Variants in CAPN5 observed in about 807,000 individuals in gnomAD.
CAPN5 encodes calpain-5.
In CAPN5, 54 loss-of-function variants were observed where a neutral mutation model predicts 73.0. That is an observed-to-expected ratio of 0.74 (90% CI 0.59 to 0.93). The LOEUF is 0.93. Ranked by LOEUF, CAPN5 falls within the 40% of genes least tolerant of loss-of-function variation. CAPN5 has a pLI of 0.00. For missense variants in CAPN5, 785 were observed against 882.9 expected, an observed-to-expected ratio of 0.89 and a Z score of 1.41; for synonymous variants, 335 against 356.9, an observed-to-expected ratio of 0.94 and a Z score of 0.69.
At chr11:77,074,795 G>A (rs1156827615) in intron 1 of CAPN5, among the ~76,000 whole-genome samples, 1 of 152,186 alleles carries the variant, frequency 6.6e-6, no homozygotes, top group African/African-American at 2.4e-5. Context: ...GCTTTGCGCT[G>A]GGCACCACTG....
At chr11:77,073,227 C>T (rs781993523) in intron 1 of CAPN5, 4 of 714,772 alleles carry the variant, frequency 5.6e-6, no homozygotes, top group Non-Finnish European at 8.5e-6. Context: ...GCTGCTCACC[C>T]GAGGCTTGGC....
intron 2 of CAPN5, among the ~76,000 whole-genome samples, chr11:77,091,295 C>T (rs1427657785): frequency 6.6e-6 from 1 of 152,160 alleles, no homozygotes; most frequent in Non-Finnish European, 1.5e-5. Context: ...CAGCAGGGAG[C>T]AGACATTCAA....
At chr11:77,108,958 CCT>C (rs1950381805) in intron 3 of CAPN5, among the ~76,000 whole-genome samples, 1 of 151,994 alleles carries the variant, frequency 6.6e-6, no homozygotes, top group Non-Finnish European at 1.5e-5. Flanking sequence ...GGCCGTTTGT[CCT>C]GTAGGGTTTC....
At chr11:77,103,995 ACAGAGATCTGT>A (rs1555039462) in intron 3 of CAPN5, among the ~76,000 whole-genome samples, 15 of 152,220 alleles carry the variant, frequency 9.9e-5, no homozygotes. Context: ...GGGAGGTTAC[ACAGAGATCTGT>A]CTCTACGCAC....
chr11:77,084,741 C>T (rs1325421459), intron 1 of CAPN5, 111 bp from the exon 2 acceptor site: 3 of 926,294 alleles, frequency 3.2e-6, no homozygotes, highest in East Asian at 5.3e-5. Context: ...AGGCTCCACG[C>T]CTCGCTGAGC....
intron 1 of CAPN5, among the ~76,000 whole-genome samples, chr11:77,080,160 T>C (rs768624200): frequency 4.5e-4 from 69 of 152,212 alleles, no homozygotes; most frequent in Non-Finnish European, 8.8e-4. Flanking sequence ...TCAGGTGTCC[T>C]TATACTTGTG....
intron 5 of CAPN5, 123 bp downstream of exon 5, chr11:77,114,557 G>A: frequency 4.5e-6 from 4 of 892,352 alleles, no homozygotes; most frequent in Non-Finnish European, 7.2e-6. Flanking sequence ...CAGCCTCGTG[G>A]GGGAGGGGAG....
chr11:77,125,024 A>C lies in CAPN5; in HGVS notation c.*1154A>C, dbSNP rs1950559318. The C allele has an allele frequency of 6.6e-6, 1 of 152,250 alleles. No homozygotes were observed. The highest frequency in any genetic ancestry group is 1.5e-5 in the Non-Finnish European group (1 of 68,040). The allele number at this position is 152,250 out of a possible 1,614,324, so 9.4% of individuals were successfully genotyped here. ...ATCTCAATTTTAATCAGGGGTTTTAAAAGAAAATTGAAAGCCTGAACCTCC... is the reference window on the plus strand; with the variant it reads ...ATCTCAATTTTAATCAGGGGTTTTACAAGAAAATTGAAAGCCTGAACCTCC... On this transcript the variant is annotated 3_prime_UTR_variant, in exon 13 of 13. Transcript: ENST00000648180.
intron 1 of CAPN5, among the ~76,000 whole-genome samples, chr11:77,072,550 T>C (rs1949919553): frequency 6.6e-6 from 1 of 152,110 alleles, no homozygotes; most frequent in African/African-American, 2.4e-5. Context: ...GGAGGGGTGG[T>C]GGGCCAGGCT....
Position 77,095,941 on chromosome 11 carries a change from G to T in CAPN5, c.297+2128G>T, listed in dbSNP as rs115453539. 9.3e-3 allele frequency among the ~76,000 whole-genome samples: 1,414 copies of T among 152,328 alleles called. 22 individuals carry two copies. Among genetic ancestry groups the T allele is most frequent in the African/African-American group, 0.031 (1,268 of 41,560 alleles). On this transcript the variant is annotated intron_variant, in intron 3 of 12. Transcript: ENST00000648180. Reference sequence around the variant, plus strand: ...TTGGGTCCCAGGGAGGCCAGGGCGGGTCTGGGCGCTCCTGGCTAATTGCAC... The same window carrying T: ...TTGGGTCCCAGGGAGGCCAGGGCGGTTCTGGGCGCTCCTGGCTAATTGCAC...
chr11:77,094,930 CAG>C (rs1555037296), intron 3 of CAPN5, among the ~76,000 whole-genome samples: 1 of 152,206 alleles, frequency 6.6e-6, no homozygotes, highest in Admixed American at 6.5e-5. Context: ...CCTTGGCCAT[CAG>C]AGGGAGCAGT....
Position 77,125,450 on chromosome 11 carries a change from G to C in CAPN5, c.*1580G>C, listed in dbSNP as rs1950564532. On this transcript the variant is annotated 3_prime_UTR_variant, in exon 13 of 13. Transcript: ENST00000648180. ...CTCAAGAACCTGGGCCTGGGGCCGG[G>C]ACTCTGCATGACTGGGAGCAAGTCA... 6.6e-6 allele frequency: 1 copy of C among 152,296 alleles called. No individual in the cohort carries two copies. Among genetic ancestry groups the C allele is most frequent in the African/African-American group, 2.4e-5 (1 of 41,398 alleles). The allele number at this position is 152,296 out of a possible 1,614,324, so 9.4% of individuals were successfully genotyped here. A position where few individuals can be genotyped will look rare whatever the true frequency, so the allele number is the denominator to read the frequency against.
chr11:77,112,301 T>C (rs1460480270), intron 3 of CAPN5, among the ~76,000 whole-genome samples: 1 of 151,480 alleles, frequency 6.6e-6, no homozygotes, highest in African/African-American at 2.4e-5. Flanking sequence ...TGGACGGAAG[T>C]CTCGGGGAAG....
chr11:77,098,851 G>T, intron 3 of CAPN5, among the ~76,000 whole-genome samples: 1 of 140,732 alleles, frequency 7.1e-6, no homozygotes, highest in Admixed American at 6.9e-5. Flanking sequence ...CTCCCTCCCG[G>T]ACGGGGTGGC....
chr11:77,074,036 A>G (rs1949940642), intron 1 of CAPN5, among the ~76,000 whole-genome samples: 1 of 152,244 alleles, frequency 6.6e-6, no homozygotes, highest in South Asian at 2.1e-4. Flanking sequence ...CGAAAGGACA[A>G]AGAGACATGC....
At chr11:77,084,811 A>C in intron 1 of CAPN5, 41 bp from the exon 2 acceptor site, 1 of 1,572,480 alleles carries the variant, frequency 6.4e-7, no homozygotes, top group Non-Finnish European at 8.7e-7. Flanking sequence ...TCAGGGACCC[A>C]GGGACTCTGT....
chr11:77,096,158 G>A lies in CAPN5; in HGVS notation c.297+2345G>A, dbSNP rs974664281. ...ATGGAAGGGCAGTGGGGGGGCTGCC[G>A]AGCCTGAGCTGCACCCCTGCCCTCC... On this transcript the variant is annotated intron_variant, in intron 3 of 12. Coordinates refer to ENST00000648180, the MANE Select transcript of CAPN5 (RefSeq NM_004055.5). Among the ~76,000 whole-genome samples, 7 of 152,156 alleles carry A rather than the reference G, an allele frequency of 4.6e-5. No individual in the cohort carries two copies. In the South Asian group the frequency reaches 1.0e-3, roughly 23 times the overall value.
At chr11:77,103,082 AG>A in intron 3 of CAPN5, 1 of 1,613,842 alleles carries the variant, frequency 6.2e-7, no homozygotes, top group Non-Finnish European at 8.5e-7. Flanking sequence ...TCACCATCAC[AG>A]GCACCTCGCA....
chr11:77,093,903 C>T, intron 3 of CAPN5, 90 bp downstream of exon 3: 1 of 1,524,982 alleles, frequency 6.6e-7, no homozygotes. Context: ...CTGATTGTGG[C>T]AGATGAGACT....
Sources: gnomAD v4.1 joint callset for allele counts (sites outside exome capture counted in the v4.1 genomes callset) on GRCh38, gnomAD v4.1.1 for gene constraint, MANE v1.5 for transcripts, NCBI Gene and HGNC (gene_info 2026-07-23, HGNC 2026-07-21) for gene names.